Variants in MAF observed in about 807,000 individuals in gnomAD.
The protein encoded by MAF is transcription factor Maf.
In MAF, 10 loss-of-function variants were observed where a neutral mutation model predicts 22.0. The observed-to-expected ratio is 0.45, with a 90% CI of 0.28 to 0.77. The LOEUF is 0.77. MAF is among the 30% of genes least tolerant of loss of function. The pLI, the probability that MAF is intolerant of heterozygous loss-of-function variation, is 0.12. For missense variants in MAF, 544 were observed against 548.4 expected, an observed-to-expected ratio of 0.99 and a Z score of 0.08; for synonymous variants, 337 against 255.8, an observed-to-expected ratio of 1.32 and a Z score of -3.03.
chr16:79,562,010 G>T, the MAF span, among the ~76,000 whole-genome samples: 15 of 152,148 alleles, frequency 9.9e-5, no homozygotes, highest in Admixed American at 3.3e-4. Context: ...ACTTATGTTT[G>T]CAAGCTCAAA....
At chr16:79,536,015 T>A in the MAF span, among the ~76,000 whole-genome samples, 6 of 152,188 alleles carry the variant, frequency 3.9e-5, no homozygotes, top group Admixed American at 2.0e-4. Context: ...CAGGATTATG[T>A]CCAATTATGT....
chr16:79,210,547 C>T, the MAF span, among the ~76,000 whole-genome samples: 1 of 152,166 alleles, frequency 6.6e-6, no homozygotes, highest in Non-Finnish European at 1.5e-5. Context: ...GTTACCTTTT[C>T]CGGTCCTCTC....
At chr16:79,473,200 A>G in the MAF span, among the ~76,000 whole-genome samples, 1 of 152,114 alleles carries the variant, frequency 6.6e-6, no homozygotes, top group Non-Finnish European at 1.5e-5. Flanking sequence ...AGGCAGTCAT[A>G]TCCTCTGTGG....
At chr16:79,566,022 A>G in the MAF span, among the ~76,000 whole-genome samples, 2 of 152,172 alleles carry the variant, frequency 1.3e-5, no homozygotes, top group Non-Finnish European at 2.9e-5. Context: ...ACCCTGGGCC[A>G]CTCTGATCCT....
the MAF span, among the ~76,000 whole-genome samples, chr16:79,240,079 G>A: frequency 1.3e-5 from 2 of 151,854 alleles, no homozygotes; most frequent in South Asian, 2.1e-4. Context: ...GAACATCAAA[G>A]GGCTGGGCAA....
At chr16:79,299,024 C>T in the MAF span, among the ~76,000 whole-genome samples, 1 of 152,364 alleles carries the variant, frequency 6.6e-6, no homozygotes, top group African/African-American at 2.4e-5. Flanking sequence ...TCTTTGGGCA[C>T]CTTGTGGTGC....
chr16:79,297,527 G>A, the MAF span, among the ~76,000 whole-genome samples: 2 of 152,136 alleles, frequency 1.3e-5, no homozygotes, highest in Admixed American at 6.5e-5. Flanking sequence ...TTCTTTGGGC[G>A]AACTACTGAA....
At chr16:79,348,484 A>G in the MAF span, among the ~76,000 whole-genome samples, 1 of 152,252 alleles carries the variant, frequency 6.6e-6, no homozygotes, top group Non-Finnish European at 1.5e-5. Flanking sequence ...GTAATGTTAT[A>G]AAAAGCTAAG....
chr16:79,395,033 C>G, the MAF span, among the ~76,000 whole-genome samples: 1 of 152,122 alleles, frequency 6.6e-6, no homozygotes, highest in African/African-American at 2.4e-5. Flanking sequence ...ATTCATTACT[C>G]CAATGAATAT....
chr16:79,484,937 T>C, the MAF span, among the ~76,000 whole-genome samples: 3 of 152,174 alleles, frequency 2.0e-5, no homozygotes, highest in African/African-American at 7.2e-5. Context: ...AGATCTGGCT[T>C]TGCACCTTGG....
At chr16:79,500,825 T>C in the MAF span, among the ~76,000 whole-genome samples, 1 of 152,310 alleles carries the variant, frequency 6.6e-6, no homozygotes, top group South Asian at 2.1e-4. Flanking sequence ...TCTCACTTAC[T>C]GGATGAGACA....
the MAF span, among the ~76,000 whole-genome samples, chr16:79,353,644 G>A: frequency 6.6e-6 from 1 of 152,040 alleles, no homozygotes; most frequent in Non-Finnish European, 1.5e-5. Flanking sequence ...ATTCCCCTAA[G>A]AGCCCTGTAA....
At chr16:79,276,862 C>T in the MAF span, among the ~76,000 whole-genome samples, 39 of 152,154 alleles carry the variant, frequency 2.6e-4, no homozygotes, top group Middle Eastern at 3.4e-3. Flanking sequence ...GGCAGGGCTG[C>T]GCTTCCTTTC....
the MAF span, among the ~76,000 whole-genome samples, chr16:79,284,308 G>A: frequency 2.5e-4 from 38 of 152,306 alleles, no homozygotes; most frequent in African/African-American, 8.9e-4. Context: ...CTTGCAGCAA[G>A]AAAAGGTGAA....
chr16:79,569,434 C>T, the MAF span, among the ~76,000 whole-genome samples: 18 of 152,188 alleles, frequency 1.2e-4, no homozygotes, highest in African/African-American at 3.9e-4. Context: ...TTTAACTCCT[C>T]TATCAGATTG....
At chr16:79,359,269 T>A in the MAF span, among the ~76,000 whole-genome samples, 1 of 152,176 alleles carries the variant, frequency 6.6e-6, no homozygotes, top group African/African-American at 2.4e-5. Flanking sequence ...AAAGGGCACA[T>A]CTTTGCACGA....
the MAF span, among the ~76,000 whole-genome samples, chr16:79,406,380 G>C: frequency 6.6e-6 from 1 of 152,168 alleles, no homozygotes; most frequent in Non-Finnish European, 1.5e-5. Context: ...TATATCAACA[G>C]AAATTTATTT....
the MAF span, among the ~76,000 whole-genome samples, chr16:79,344,427 A>G: frequency 6.6e-6 from 1 of 152,210 alleles, no homozygotes; most frequent in Non-Finnish European, 1.5e-5. Context: ...CCACAATGGG[A>G]CAATTTTGAA....
At chr16:79,379,800 G>T in the MAF span, among the ~76,000 whole-genome samples, 2 of 152,170 alleles carry the variant, frequency 1.3e-5, no homozygotes, top group South Asian at 2.1e-4. Flanking sequence ...AAGGCCAGCT[G>T]CTCCAAGCGG....
Sources: gnomAD v4.1 joint callset for allele counts (sites outside exome capture counted in the v4.1 genomes callset) on GRCh38, gnomAD v4.1.1 for gene constraint, MANE v1.5 for transcripts, NCBI Gene and HGNC (gene_info 2026-07-23, HGNC 2026-07-21) for gene names.